SLC20A2: variants seen among roughly 807,000 people sequenced by gnomAD.
The protein encoded by SLC20A2 is sodium-dependent phosphate transporter 2.
In SLC20A2, 30 loss-of-function variants were observed where a neutral mutation model predicts 61.0. The observed-to-expected ratio is 0.49, with a 90% confidence interval of 0.37 to 0.67. The LOEUF is 0.67. SLC20A2 is among the 30% of genes least tolerant of loss of function. The pLI is 0.00. For missense variants in SLC20A2, 626 were observed against 866.4 expected (o/e 0.72, Z 3.48); for synonymous variants, 351 against 353.3 (o/e 0.99, Z 0.07).
intron 6 of SLC20A2, among the ~76,000 whole-genome samples, chr8:42,442,370 T>C (rs904759619): frequency 6.6e-6 from 1 of 152,232 alleles, no homozygotes; most frequent in Admixed American, 6.5e-5. Flanking sequence ...AGATCTATGA[T>C]GCATTTTAAG....
At chr8:42,511,227 C>T (rs1811013180) in intron 1 of SLC20A2, among the ~76,000 whole-genome samples, 1 of 152,208 alleles carries the variant, frequency 6.6e-6, no homozygotes, top group Non-Finnish European at 1.5e-5. Flanking sequence ...GAAGACAATA[C>T]TTGATACCAA....
rs1812177523 is a variant in SLC20A2 at position 42,529,184 on chromosome 8, CT to C, written c.-265+12636del. 3.3e-5 allele frequency among the ~76,000 whole-genome samples: 5 copies of C among 152,110 alleles called. No individual in the cohort carries two copies. The East Asian group carries it at 9.7e-4, about 29-fold the overall frequency. Reference sequence around the variant, plus strand: ...GAGTCTTGCTATGTTAACTAGGCTGCTCTTGAACTCCAAGGCTCAAGTGATC... The same window carrying C: ...GAGTCTTGCTATGTTAACTAGGCTGCCTTGAACTCCAAGGCTCAAGTGATC... On this transcript the variant is annotated intron_variant, in intron 1 of 10. Transcript: ENST00000342228.
intron 1 of SLC20A2, among the ~76,000 whole-genome samples, chr8:42,478,991 G>A (rs1163443264): frequency 6.6e-6 from 1 of 152,162 alleles, no homozygotes; most frequent in Admixed American, 6.5e-5. Flanking sequence ...GACGGGTGAT[G>A]TCACAGCACA....
At chr8:42,455,306 C>T (rs894594373) in intron 5 of SLC20A2, among the ~76,000 whole-genome samples, 1 of 147,902 alleles carries the variant, frequency 6.8e-6, no homozygotes, top group African/African-American at 2.5e-5. Context: ...TGCGCATGCA[C>T]TCCAGGTTCC....
intron 1 of SLC20A2, among the ~76,000 whole-genome samples, chr8:42,528,802 G>A (rs970745817): frequency 3.3e-5 from 5 of 151,808 alleles, no homozygotes; most frequent in Non-Finnish European, 7.4e-5. Flanking sequence ...GAGTAGCCAG[G>A]ATTATAGGCA....
intron 1 of SLC20A2, among the ~76,000 whole-genome samples, chr8:42,515,025 C>A (rs1336749065): frequency 6.6e-6 from 1 of 152,162 alleles, no homozygotes; most frequent in Non-Finnish European, 1.5e-5. Context: ...TACTGTGCAC[C>A]TAAGTGTCAG....
At chr8:42,488,575 C>T (rs186728630) in intron 1 of SLC20A2, among the ~76,000 whole-genome samples, 10 of 152,288 alleles carry the variant, frequency 6.6e-5, no homozygotes, top group Admixed American at 3.3e-4. Context: ...AGTGGAATTG[C>T]TGGATGTGGT....
At chr8:42,424,768 G>A (rs967457423) in intron 10 of SLC20A2, among the ~76,000 whole-genome samples, 1 of 152,118 alleles carries the variant, frequency 6.6e-6, no homozygotes, top group Admixed American at 6.6e-5. Context: ...CACTTAGGCC[G>A]GGCGCACTGG....
chr8:42,454,621 ATTT>A (rs34104662), intron 5 of SLC20A2, among the ~76,000 whole-genome samples: 1 of 144,550 alleles, frequency 6.9e-6, no homozygotes. Flanking sequence ...CCTTACACAG[ATTT>A]TTTTTTTTTT....
intron 1 of SLC20A2, among the ~76,000 whole-genome samples, chr8:42,473,301 G>A (rs34880489): frequency 0.025 from 3,862 of 152,276 alleles, 67 homozygotes; most frequent in Middle Eastern, 0.065. Flanking sequence ...TCACTAGGAG[G>A]AAAAGCTAGA....
At chr8:42,481,507 G>T (rs959813496) in intron 1 of SLC20A2, among the ~76,000 whole-genome samples, 4 of 152,126 alleles carry the variant, frequency 2.6e-5, no homozygotes, top group Non-Finnish European at 4.4e-5. Flanking sequence ...GGCAGGGAGA[G>T]ACATGGGAAG....
At chr8:42,457,103 T>C (rs1316954475) in intron 5 of SLC20A2, among the ~76,000 whole-genome samples, 1 of 151,940 alleles carries the variant, frequency 6.6e-6, no homozygotes, top group Non-Finnish European at 1.5e-5. Flanking sequence ...TTTGTATTTT[T>C]AGTAGAGATG....
At chr8:42,502,654 C>G (rs1810397736), upstream of SLC20A2, 1 of 152,282 alleles carries the variant, frequency 6.6e-6, no homozygotes. Context: ...GTGCCAGCAC[C>G]TGCCCCACCT....
intron 1 of SLC20A2, among the ~76,000 whole-genome samples, chr8:42,509,194 G>C (rs1245365325): frequency 6.6e-6 from 1 of 152,210 alleles, no homozygotes; most frequent in Non-Finnish European, 1.5e-5. Flanking sequence ...TGTAGATACA[G>C]AGATACAGCT....
intron 2 of SLC20A2, among the ~76,000 whole-genome samples, chr8:42,466,523 A>C (rs1807182485): frequency 6.6e-6 from 1 of 152,210 alleles, no homozygotes. Flanking sequence ...GTCTCGAATG[A>C]ACACAGAAAG....
At chr8:42,513,458 C>T (rs1440865231) in intron 1 of SLC20A2, among the ~76,000 whole-genome samples, 2 of 152,158 alleles carry the variant, frequency 1.3e-5, no homozygotes, top group Non-Finnish European at 2.9e-5. Context: ...CTTTCCTCGT[C>T]CTAGATGATA....
At chr8:42,430,033 C>A (rs376005793) in intron 9 of SLC20A2, 31 bp downstream of exon 9, 1 of 1,579,764 alleles carries the variant, frequency 6.3e-7, no homozygotes, top group African/African-American at 1.4e-5. Flanking sequence ...ATGACAAGAC[C>A]TGCCCTGCTC....
intron 1 of SLC20A2, among the ~76,000 whole-genome samples, chr8:42,491,206 C>T (rs1057373432): frequency 5.3e-5 from 8 of 152,216 alleles, no homozygotes; most frequent in Admixed American, 2.6e-4. Context: ...TAGAGACCAG[C>T]CTGGCCAACA....
intron 8 of SLC20A2, among the ~76,000 whole-genome samples, chr8:42,434,261 AT>A (rs1166656122): frequency 6.6e-6 from 1 of 151,996 alleles, no homozygotes; most frequent in African/African-American, 2.4e-5. Context: ...TAATTTTTGT[AT>A]TTTTAGTAGA....
Sources: gnomAD v4.1 joint callset for allele counts (sites outside exome capture counted in the v4.1 genomes callset) on GRCh38, gnomAD v4.1.1 for gene constraint, MANE v1.5 for transcripts, NCBI Gene and HGNC (gene_info 2026-07-23, HGNC 2026-07-21) for gene names.